GPR19: variants seen among roughly 807,000 people sequenced by gnomAD.
GPR19 encodes the protein G protein-coupled receptor 19.
GPR19 carries 14 observed loss-of-function variants against 28.5 expected under a neutral mutation model. The observed-to-expected ratio is 0.49, with a 90% CI of 0.32 to 0.77. The LOEUF is 0.77. GPR19 is among the 30% of genes least tolerant of loss of function. The pLI, the probability that GPR19 is intolerant of heterozygous loss-of-function variation, is 0.03. For missense variants in GPR19, 409 were observed against 504.1 expected, an observed-to-expected ratio of 0.81 and a Z score of 1.81; for synonymous variants, 173 against 184.1, an observed-to-expected ratio of 0.94 and a Z score of 0.49.
chr12:12,716,968 C>A, the GPR19 span: 3 of 985,260 alleles, frequency 3.0e-6, no homozygotes, highest in Non-Finnish European at 3.6e-6. Context: ...CGGCGACCTT[C>A]GCGGTCCTCT....
At chr12:12,692,209 C>T (rs553021122) in intron 2 of GPR19, among the ~76,000 whole-genome samples, 26 of 152,300 alleles carry the variant, frequency 1.7e-4, no homozygotes, top group African/African-American at 6.0e-4. Context: ...TGGGCACTTA[C>T]GTGGGTTTAG....
chr12:12,670,334 T>TA (rs1337500304), intron 3 of GPR19, among the ~76,000 whole-genome samples: 5 of 152,216 alleles, frequency 3.3e-5, no homozygotes, highest in South Asian at 2.1e-4. Context: ...AATCTTCTGC[T>TA]AAAAAAATCT....
chr12:12,706,592 A>G, the GPR19 span, among the ~76,000 whole-genome samples: 2 of 152,210 alleles, frequency 1.3e-5, no homozygotes, highest in Non-Finnish European at 2.9e-5. Flanking sequence ...TTGGATGTCT[A>G]TGGACATCTC....
the GPR19 span, among the ~76,000 whole-genome samples, chr12:12,711,290 CA>C: frequency 3.7e-3 from 404 of 109,644 alleles, 1 homozygote; most frequent in African/African-American, 6.4e-3. Flanking sequence ...GAGACTCCAT[CA>C]AAAAAAAAAA....
At chr12:12,698,706 G>A (rs186341759), upstream of GPR19, among the ~76,000 whole-genome samples, 171 of 152,114 alleles carry the variant, frequency 1.1e-3, 2 homozygotes, top group East Asian at 0.031. Context: ...CACCTCCCGG[G>A]TTCAAGCGAT....
intron 2 of GPR19, among the ~76,000 whole-genome samples, chr12:12,693,415 A>G (rs926763138): frequency 6.6e-6 from 1 of 152,116 alleles, no homozygotes; most frequent in Admixed American, 6.5e-5. Context: ...ATCCGCCCCA[A>G]CCCACTACTG....
At chr12:12,682,198 G>A (rs987475688) in intron 3 of GPR19, among the ~76,000 whole-genome samples, 1 of 152,192 alleles carries the variant, frequency 6.6e-6, no homozygotes, top group Non-Finnish European at 1.5e-5. Flanking sequence ...AAAATATCAG[G>A]AGAACTTCAT....
chr12:12,662,343 G>A lies in GPR19; in HGVS notation c.106C>T (p.Pro36Ser). 1 of 1,614,216 alleles carries A rather than the reference G, an allele frequency of 6.2e-7. No individual in the cohort carries two copies. Among genetic ancestry groups the A allele is most frequent in the African/African-American group, 1.3e-5 (1 of 75,048 alleles). ...RSCTETATPL[P>S]SQYLMELSEE... is the part of the protein sequence containing the mutation. ...CTTAATTCCATCAGGTATTGGCTTG[G>A]CAGAGGTGTGGCTGTTTCAGTGCAG... The change falls in exon 4 of 4, where the codon CCA becomes TCA. Residue 36 changes from proline (P) to serine (S), a missense_variant. By Grantham distance (74) the Pro-to-Ser change is moderately conservative. Transcript: ENST00000651487.
the GPR19 span, among the ~76,000 whole-genome samples, chr12:12,706,871 T>C: frequency 5.3e-5 from 8 of 152,214 alleles, no homozygotes; most frequent in African/African-American, 1.9e-4. Flanking sequence ...CTATAATACA[T>C]GGTCTCCCTA....
chr12:12,703,294 C>A, the GPR19 span: 1 of 700,484 alleles, frequency 1.4e-6, no homozygotes, highest in Non-Finnish European at 1.8e-6. Context: ...ATGTCTGTGG[C>A]ATTGGTGGTT....
the GPR19 span, among the ~76,000 whole-genome samples, chr12:12,705,271 C>T: frequency 1.3e-5 from 2 of 151,614 alleles, no homozygotes; most frequent in Non-Finnish European, 2.9e-5. Flanking sequence ...GAGCTGAGAT[C>T]GTGCTATTGC....
rs570839301 is a variant in GPR19, at chr12:12,688,127, T to C, written c.-179-3620A>G. 2.4e-4 allele frequency among the ~76,000 whole-genome samples: 37 copies of C among 152,322 alleles called. No homozygotes were observed. In the South Asian group the frequency reaches 7.5e-3, roughly 31 times the overall value. ...GTTGTTGAACGGGTTATTTGTAGAT[T>C]ACTTATAAAGTGCAAAGGGATGTGT... is the stretch of plus-strand genomic sequence containing the variant. On this transcript the variant is annotated intron_variant, in intron 2 of 3. Coordinates refer to ENST00000651487, the MANE Select transcript of GPR19 (RefSeq NM_006143.3).
intron 3 of GPR19, among the ~76,000 whole-genome samples, chr12:12,670,314 C>T (rs761116956): frequency 6.6e-6 from 1 of 152,142 alleles, no homozygotes; most frequent in East Asian, 1.9e-4. Flanking sequence ...CAAACCTACA[C>T]CCAGAATGTA....
intron 2 of GPR19, among the ~76,000 whole-genome samples, chr12:12,687,008 A>T (rs1351493531): frequency 6.6e-6 from 1 of 152,320 alleles, no homozygotes; most frequent in South Asian, 2.1e-4. Flanking sequence ...CCAAAGTTAT[A>T]ATCACCAAAT....
chr12:12,697,335 G>A (rs181833831), upstream of GPR19, among the ~76,000 whole-genome samples: 16 of 151,458 alleles, frequency 1.1e-4, no homozygotes, highest in Admixed American at 7.2e-4. Context: ...GAGATCTGAT[G>A]GAAACTTGTT....
chr12:12,705,571 G>A, the GPR19 span, among the ~76,000 whole-genome samples: 2 of 151,546 alleles, frequency 1.3e-5, no homozygotes, highest in African/African-American at 4.9e-5. Flanking sequence ...TTTGAGACAG[G>A]ATCTCGCTCT....
intron 3 of GPR19, among the ~76,000 whole-genome samples, chr12:12,666,706 G>A (rs1334708528): frequency 6.6e-6 from 1 of 152,196 alleles, no homozygotes; most frequent in Non-Finnish European, 1.5e-5. Flanking sequence ...CTTATTCGAT[G>A]TTTACTAAAT....
At chr12:12,714,436 C>G in the GPR19 span, among the ~76,000 whole-genome samples, 1 of 152,340 alleles carries the variant, frequency 6.6e-6, no homozygotes, top group Non-Finnish European at 1.5e-5. Context: ...GAACACTTGT[C>G]TATGACACAG....
chr12:12,708,347 T>C, the GPR19 span, among the ~76,000 whole-genome samples: 1 of 152,128 alleles, frequency 6.6e-6, no homozygotes, highest in South Asian at 2.1e-4. Context: ...CTAAGTAAAA[T>C]GCCTGATGCA....
Sources: allele counts gnomAD v4.1 joint callset (sites outside exome capture counted in the v4.1 genomes callset), GRCh38; gene constraint gnomAD v4.1.1; transcripts MANE v1.5; gene names NCBI Gene and HGNC (gene_info 2026-07-23, HGNC 2026-07-21).